UGGT2: variants seen among roughly 807,000 people sequenced by gnomAD.
UGGT2 encodes UDP-glucose glycoprotein glucosyltransferase 2, also known as UDP-glucose:glycoprotein glucosyltransferase 2.
In UGGT2, 180 loss-of-function variants were observed where a neutral mutation model predicts 192.1. That is an observed-to-expected ratio of 0.94 (90% CI 0.83 to 1.06). The LOEUF (loss-of-function observed/expected upper bound fraction) is 1.06, where lower values mean the gene tolerates loss of function less well. Ranked by LOEUF, UGGT2 falls within the 50% of genes least tolerant of loss-of-function variation. The pLI, the probability that UGGT2 is intolerant of heterozygous loss-of-function variation, is 0.00. For missense variants in UGGT2, 1,849 were observed against 1,795.7 expected, an observed-to-expected ratio of 1.03 and a Z score of -0.54; for synonymous variants, 580 against 591.0, an observed-to-expected ratio of 0.98 and a Z score of 0.27.
At chr13:95,962,955 T>G (rs531172502) in intron 12 of UGGT2, among the ~76,000 whole-genome samples, 1 of 152,124 alleles carries the variant, frequency 6.6e-6, no homozygotes, top group African/African-American at 2.4e-5. Context: ...GAGAGCTTGC[T>G]CAGGGAAACT....
At chr13:95,954,100 C>T (rs2050144929) in intron 12 of UGGT2, among the ~76,000 whole-genome samples, 1 of 152,136 alleles carries the variant, frequency 6.6e-6, no homozygotes, top group Non-Finnish European at 1.5e-5. Context: ...CCTTTGTTTT[C>T]TGATGGCTCA....
At chr13:96,049,893 G>A (rs542546906) in intron 1 of UGGT2, among the ~76,000 whole-genome samples, 84 of 152,202 alleles carry the variant, frequency 5.5e-4, no homozygotes, top group Middle Eastern at 6.8e-3. Flanking sequence ...TCGTGAAAAC[G>A]GCCATACTGC....
chr13:95,855,106 TAA>T (rs10713359), intron 34 of UGGT2, among the ~76,000 whole-genome samples: 1,031 of 49,916 alleles, frequency 0.021, 20 homozygotes, highest in African/African-American at 0.055. Context: ...ACCCTGTCTG[TAA>T]AAAAAAAAAA....
At chr13:95,857,396 G>A (rs1889719966) in intron 33 of UGGT2, among the ~76,000 whole-genome samples, 1 of 152,028 alleles carries the variant, frequency 6.6e-6, no homozygotes, top group Non-Finnish European at 1.5e-5. Context: ...TATTTTAGAG[G>A]AAGTAGGTAG....
chr13:95,927,227 A>G lies in UGGT2; in HGVS notation c.2087T>C (p.Leu696Ser). Residue 696 changes from leucine (L) to serine (S), a missense_variant, in exon 18 of 39, where the codon TTA (leucine) becomes TCA (serine). Physicochemically the swap from Leu to Ser is moderately radical, Grantham distance 145. Coordinates refer to ENST00000376747, the MANE Select transcript of UGGT2 (RefSeq NM_020121.4). ...GATTATTTTACCTGATGTAGATATT[A>G]AATTGAGGTACTGCTGGTTAGTACG... ...ILRTNQQYLNLISTSVTADVE... is the reference protein window; with the variant it reads ...ILRTNQQYLNSISTSVTADVE... 6.2e-7 allele frequency: 1 copy of G among 1,611,644 alleles called. No individual in the cohort carries two copies. Among genetic ancestry groups the G allele is most frequent in the Non-Finnish European group, 8.5e-7 (1 of 1,178,206 alleles).
At chr13:95,955,247 C>T (rs1185370521) in intron 12 of UGGT2, among the ~76,000 whole-genome samples, 2 of 152,152 alleles carry the variant, frequency 1.3e-5, no homozygotes, top group Non-Finnish European at 1.5e-5. Flanking sequence ...AGATCTCAGG[C>T]GGCCTAAAGT....
At chr13:95,802,069 A>G (rs2139716111) in intron 38 of UGGT2, among the ~76,000 whole-genome samples, 1 of 152,272 alleles carries the variant, frequency 6.6e-6, no homozygotes, top group South Asian at 2.1e-4. Context: ...CAAGGAACAT[A>G]CCTTACTTAT....
intron 20 of UGGT2, among the ~76,000 whole-genome samples, chr13:95,919,182 A>G (rs2048769566): frequency 6.6e-6 from 1 of 152,190 alleles, no homozygotes; most frequent in African/African-American, 2.4e-5. Flanking sequence ...TTCATGTTAA[A>G]ATCTCAATAA....
intron 4 of UGGT2, among the ~76,000 whole-genome samples, chr13:96,013,739 A>G (rs1337058718): frequency 1.3e-5 from 2 of 152,114 alleles, no homozygotes; most frequent in Non-Finnish European, 2.9e-5. Flanking sequence ...ATAACATATA[A>G]TGGCAGCACA....
chr13:95,856,040 G>T, intron 34 of UGGT2, 118 bp downstream of exon 34: 2 of 815,836 alleles, frequency 2.5e-6, no homozygotes, highest in South Asian at 3.0e-5. Context: ...TATCACAATC[G>T]TATCTTAAGC....
chr13:95,941,722 G>C (rs2049686681), intron 15 of UGGT2, among the ~76,000 whole-genome samples: 1 of 152,066 alleles, frequency 6.6e-6, no homozygotes, highest in African/African-American at 2.4e-5. Flanking sequence ...AAATTATTTT[G>C]TAACTTGGTA....
intron 1 of UGGT2, 61 bp downstream of exon 1, chr13:96,053,094 G>A: frequency 7.1e-7 from 1 of 1,404,330 alleles, no homozygotes; most frequent in Non-Finnish European, 9.2e-7. Flanking sequence ...CACGAAGAAA[G>A]CGCGGCTGAG....
chr13:96,001,408 C>A (rs9590354), intron 5 of UGGT2, among the ~76,000 whole-genome samples: 7,622 of 152,076 alleles, frequency 0.05, 325 homozygotes, highest in East Asian at 0.15. Flanking sequence ...CTTTACCTGC[C>A]CAAATCTTAT....
At chr13:96,037,497 G>A (rs912624708) in intron 1 of UGGT2, among the ~76,000 whole-genome samples, 4 of 152,068 alleles carry the variant, frequency 2.6e-5, no homozygotes, top group African/African-American at 9.7e-5. Flanking sequence ...GCGCTTGGCC[G>A]CAAATTTTAT....
intron 5 of UGGT2, among the ~76,000 whole-genome samples, chr13:96,006,894 A>G (rs557115967): frequency 6.6e-6 from 1 of 152,308 alleles, no homozygotes; most frequent in African/African-American, 2.4e-5. Context: ...TGGAAATTCT[A>G]ACTCTGCTCT....
At chr13:95,905,539 T>C (rs904273534) in intron 20 of UGGT2, among the ~76,000 whole-genome samples, 4 of 151,664 alleles carry the variant, frequency 2.6e-5, no homozygotes, top group African/African-American at 9.7e-5. Context: ...CCCAGCACCA[T>C]TTATTAAATA....
At chr13:95,946,950 C>G (rs2049890181) in intron 15 of UGGT2, 87 bp downstream of exon 15, 1 of 1,311,680 alleles carries the variant, frequency 7.6e-7, no homozygotes, top group African/African-American at 1.5e-5. Flanking sequence ...AAATGTAATG[C>G]AAAAATTATA....
At chr13:95,804,607 C>T (rs1052156175) in intron 38 of UGGT2, among the ~76,000 whole-genome samples, 3 of 151,998 alleles carry the variant, frequency 2.0e-5, no homozygotes, top group Non-Finnish European at 2.9e-5. Context: ...ACAAATAGCC[C>T]AATGGAATAG....
intron 12 of UGGT2, among the ~76,000 whole-genome samples, chr13:95,960,770 AAGAG>A (rs1566759628): frequency 6.6e-6 from 1 of 152,194 alleles, no homozygotes; most frequent in Admixed American, 6.5e-5. Context: ...TTTAAAGAGA[AAGAG>A]AGATTTCTAT....
Sources: allele counts gnomAD v4.1 joint callset (sites outside exome capture counted in the v4.1 genomes callset), GRCh38; gene constraint gnomAD v4.1.1; transcripts MANE v1.5; gene names NCBI Gene and HGNC (gene_info 2026-07-23, HGNC 2026-07-21).